PSD3: variants seen among roughly 807,000 people sequenced by gnomAD.
PSD3 encodes the protein pleckstrin and Sec7 domain containing 3.
Under a neutral mutation model 105.5 loss-of-function variants are expected in PSD3, and 49 were observed. The ratio of observed to expected loss-of-function variants is 0.46; its 90% CI spans 0.37 to 0.59. The LOEUF is 0.59. PSD3 is among the 20% of genes least tolerant of loss of function. The probability of loss-of-function intolerance (pLI) is 0.00; values close to 1 mark genes in which losing one functional copy is unlikely to be tolerated. For missense variants in PSD3, 1,561 were observed against 1,263.8 expected, an observed-to-expected ratio of 1.24 and a Z score of -3.57; for synonymous variants, 557 against 457.8, an observed-to-expected ratio of 1.22 and a Z score of -2.77.
At chr8:18,791,802 C>T (rs548978459) in intron 8 of PSD3, among the ~76,000 whole-genome samples, 6 of 152,130 alleles carry the variant, frequency 3.9e-5, no homozygotes, top group South Asian at 2.1e-4. Context: ...CTACAGAATG[C>T]GAGAAAAATT....
In PSD3 at chr8:18,580,002, G is replaced by T. The variant is rs2634424; in HGVS notation, c.2482-4717C>A. On this transcript the variant is annotated intron_variant, in intron 12 of 15. Transcript: ENST00000327040. ...ATAAAAATGTTAGTAATTAAAGCAA[G>T]CTGGGTCCTAAATTGTCTATTAATT... 3.9e-5 allele frequency among the ~76,000 whole-genome samples: 6 copies of T among 152,042 alleles called. No individual in the cohort carries two copies. In the East Asian group the frequency reaches 1.2e-3, roughly 29 times the overall value.
intron 9 of PSD3, among the ~76,000 whole-genome samples, chr8:18,676,507 T>C (rs1434694288): frequency 6.6e-6 from 1 of 152,208 alleles, no homozygotes; most frequent in East Asian, 1.9e-4. Context: ...AATGTTTAAA[T>C]ATGTTTCACT....
At chr8:18,778,049 G>A (rs1808263099) in intron 8 of PSD3, among the ~76,000 whole-genome samples, 1 of 152,102 alleles carries the variant, frequency 6.6e-6, no homozygotes, top group Non-Finnish European at 1.5e-5. Flanking sequence ...ATAAGTTGAT[G>A]GACACAGATT....
chr8:19,051,335 C>T (rs1828522490), intron 1 of PSD3, among the ~76,000 whole-genome samples: 1 of 152,186 alleles, frequency 6.6e-6, no homozygotes, highest in Admixed American at 6.5e-5. Context: ...AGACTACACT[C>T]TCTGTTACAT....
At chr8:18,901,428 G>A (rs533641642) in intron 2 of PSD3, among the ~76,000 whole-genome samples, 13 of 152,234 alleles carry the variant, frequency 8.5e-5, no homozygotes, top group African/African-American at 3.1e-4. Flanking sequence ...ACATTCAAGG[G>A]TATTATTGAT....
At chr8:18,667,702 G>C (rs966812649) in intron 9 of PSD3, among the ~76,000 whole-genome samples, 1 of 152,234 alleles carries the variant, frequency 6.6e-6, no homozygotes, top group Non-Finnish European at 1.5e-5. Context: ...TTAGGCAGCT[G>C]ATGGGACCAG....
At chr8:18,641,393 C>T (rs549083061) in intron 10 of PSD3, among the ~76,000 whole-genome samples, 5 of 152,168 alleles carry the variant, frequency 3.3e-5, no homozygotes, top group South Asian at 4.1e-4. Context: ...TAAGACCCCT[C>T]GAGGGGTTCA....
rs1278966633 is a variant in PSD3, at chr8:18,669,523, A to G, written c.2173-13838T>C. Among the ~76,000 whole-genome samples, 10 of 152,380 alleles carry G rather than the reference A, an allele frequency of 6.6e-5. 2 individuals carry two copies. In the South Asian group the frequency reaches 2.1e-3, roughly 32 times the overall value. On this transcript the variant is annotated intron_variant, in intron 9 of 15. Transcript: ENST00000327040. ...CAAGAACTGTGATGCTGTGACAGCC[A>G]ATTTGATAACCAACTTAGCTAGTAA... is the stretch of plus-strand genomic sequence containing the variant.
intron 7 of PSD3, among the ~76,000 whole-genome samples, chr8:18,800,377 C>T (rs531330251): frequency 6.6e-6 from 1 of 152,258 alleles, no homozygotes; most frequent in Non-Finnish European, 1.5e-5. Context: ...GTGACTGCAG[C>T]CTTGGACATG....
chr8:18,618,609 T>C (rs1007251203), intron 11 of PSD3, among the ~76,000 whole-genome samples: 1 of 152,090 alleles, frequency 6.6e-6, no homozygotes, highest in African/African-American at 2.4e-5. Context: ...TCCTTCTATG[T>C]ACCAGGCAGT....
chr8:18,776,888 T>C (rs1808150125), intron 8 of PSD3, among the ~76,000 whole-genome samples: 1 of 152,150 alleles, frequency 6.6e-6, no homozygotes, highest in African/African-American at 2.4e-5. Flanking sequence ...CCACTTCTCG[T>C]TTTTCCAAGT....
chr8:18,873,670 C>T (rs1249024284), intron 2 of PSD3, among the ~76,000 whole-genome samples: 1 of 152,124 alleles, frequency 6.6e-6, no homozygotes, highest in Admixed American at 6.6e-5. Context: ...CAACAGACCT[C>T]CTGAATTTAT....
intron 4 of PSD3, among the ~76,000 whole-genome samples, chr8:18,840,028 T>C (rs564808228): frequency 2.8e-4 from 43 of 152,316 alleles, no homozygotes; most frequent in Admixed American, 6.5e-4. Context: ...AGGAACAAAA[T>C]ACTGGCTTGT....
chr8:19,013,501 C>G, intron 1 of PSD3, 62 bp downstream of exon 1: 2 of 1,579,102 alleles, frequency 1.3e-6, no homozygotes, highest in Non-Finnish European at 1.7e-6. Context: ...CAACACAAAC[C>G]CCACGTCGAA....
intron 9 of PSD3, among the ~76,000 whole-genome samples, chr8:18,658,637 C>T (rs930205751): frequency 9.9e-5 from 15 of 151,466 alleles, no homozygotes; most frequent in Non-Finnish European, 1.8e-4. Flanking sequence ...ATCCTCTTGC[C>T]TTAGCCTTCT....
intron 4 of PSD3, among the ~76,000 whole-genome samples, chr8:18,812,079 C>T (rs915808775): frequency 9.2e-5 from 14 of 152,072 alleles, no homozygotes; most frequent in Non-Finnish European, 2.1e-4. Context: ...GACTGAACAC[C>T]GCCACTCATT....
intron 12 of PSD3, among the ~76,000 whole-genome samples, chr8:18,599,200 A>G (rs781145628): frequency 1.3e-5 from 2 of 152,214 alleles, no homozygotes; most frequent in Admixed American, 6.5e-5. Flanking sequence ...GTTCTGGCAT[A>G]AAGACAGACA....
At chr8:18,789,766 A>C (rs1809520571) in intron 8 of PSD3, among the ~76,000 whole-genome samples, 1 of 152,202 alleles carries the variant, frequency 6.6e-6, no homozygotes, top group African/African-American at 2.4e-5. Context: ...TGGAAACAAG[A>C]GTCAGGGGTT....
chr8:18,868,452 C>T (rs930177738), intron 3 of PSD3, among the ~76,000 whole-genome samples: 1 of 152,080 alleles, frequency 6.6e-6, no homozygotes, highest in Non-Finnish European at 1.5e-5. Flanking sequence ...AAACTTGATA[C>T]GGCAAAATTT....
Sources: gnomAD v4.1 joint callset for allele counts (sites outside exome capture counted in the v4.1 genomes callset) on GRCh38, gnomAD v4.1.1 for gene constraint, MANE v1.5 for transcripts, NCBI Gene and HGNC (gene_info 2026-07-23, HGNC 2026-07-21) for gene names.